The following RMDN2 variants were observed in gnomAD, a reference collection of about 807,000 sequenced individuals.
The protein encoded by RMDN2 is regulator of microtubule dynamics 2.
RMDN2 carries 61 observed loss-of-function variants against 52.8 expected under a neutral mutation model. That is an observed-to-expected ratio of 1.16 (90% CI 0.94 to 1.43). RMDN2 has a LOEUF of 1.43. Ranked by LOEUF, RMDN2 falls within the 40% of genes most tolerant of loss-of-function variation. The pLI is 0.00. For synonymous variants in RMDN2, 180 were observed against 153.1 expected (o/e 1.18, Z -1.30); for missense variants, 592 against 475.3 (o/e 1.25, Z -2.28).
downstream of RMDN2, among the ~76,000 whole-genome samples, chr2:38,019,800 C>T (rs1679201852): frequency 6.6e-6 from 1 of 151,984 alleles, no homozygotes. Flanking sequence ...TGGTGCATGC[C>T]TGTAGTTACA....
At chr2:37,981,226 A>G in intron 4 of RMDN2, 57 bp from the exon 5 acceptor site, 1 of 1,045,340 alleles carries the variant, frequency 9.6e-7, no homozygotes, top group South Asian at 1.3e-5. Flanking sequence ...TAATTCAATA[A>G]TCCACCTCCT....
intron 2 of RMDN2, among the ~76,000 whole-genome samples, chr2:37,966,641 C>T (rs1224961493): frequency 6.6e-6 from 1 of 151,792 alleles, no homozygotes; most frequent in Non-Finnish European, 1.5e-5. Flanking sequence ...CCAATATTTT[C>T]AAATGACCTG....
chr2:37,929,953 A>G lies in RMDN2; in HGVS notation c.452+224A>G, dbSNP rs1216656647. Among the ~76,000 whole-genome samples, 4 of 152,374 alleles carry G rather than the reference A, an allele frequency of 2.6e-5. No individual in the cohort carries two copies. The South Asian group carries it at 8.3e-4, about 32-fold the overall frequency. On this transcript the variant is annotated intron_variant, in intron 2 of 10. Coordinates refer to ENST00000354545, the MANE Select transcript of RMDN2 (RefSeq NM_001170791.3). Reference sequence around the variant, plus strand: ...GGAATATAAAAAACTTACTGGTAGCAGGTGGTATTATGTGAATATTGAGGA... The same window carrying G: ...GGAATATAAAAAACTTACTGGTAGCGGGTGGTATTATGTGAATATTGAGGA...
intron 2 of RMDN2, among the ~76,000 whole-genome samples, chr2:37,932,792 C>T (rs1666902429): frequency 2.3e-5 from 3 of 131,448 alleles, no homozygotes; most frequent in African/African-American, 8.4e-5. Flanking sequence ...ACCTCCCGGA[C>T]GGGGCGGCTG....
intron 2 of RMDN2, among the ~76,000 whole-genome samples, chr2:37,968,654 A>G (rs1671402798): frequency 6.6e-6 from 1 of 152,188 alleles, no homozygotes; most frequent in African/African-American, 2.4e-5. Flanking sequence ...TTGATCATGC[A>G]GAGTTGAAGG....
intron 10 of RMDN2, chr2:38,030,505 A>G (rs903243684): frequency 1.3e-5 from 2 of 152,198 alleles, no homozygotes; most frequent in African/African-American, 4.8e-5. Context: ...GTAAAAGATG[A>G]CTGATGATGT....
chr2:38,052,359 T>G (rs1380676289), intron 10 of RMDN2, among the ~76,000 whole-genome samples: 1 of 152,224 alleles, frequency 6.6e-6, no homozygotes. Context: ...TTGCCCACTT[T>G]TTAGTGGGAT....
intron 7 of RMDN2, among the ~76,000 whole-genome samples, chr2:37,994,928 T>C (rs550325464): frequency 6.6e-5 from 10 of 152,300 alleles, no homozygotes; most frequent in South Asian, 6.2e-4. Flanking sequence ...ATTGCATTGA[T>C]ATGAAACTCT....
At chr2:37,997,646 T>G in intron 8 of RMDN2, 132 bp downstream of exon 8, 2 of 652,538 alleles carry the variant, frequency 3.1e-6, no homozygotes, top group Non-Finnish European at 5.4e-6. Flanking sequence ...ATGTTCTGTT[T>G]TAAGCCCCTC....
At chr2:37,991,325 T>C in intron 7 of RMDN2, 28 bp downstream of exon 7, 2 of 1,140,216 alleles carry the variant, frequency 1.8e-6, no homozygotes. Flanking sequence ...ATTTATAAAC[T>C]TTATTTGAAT....
intron 10 of RMDN2, chr2:38,027,395 T>C (rs1045913055): frequency 6.6e-6 from 1 of 152,210 alleles, no homozygotes; most frequent in African/African-American, 2.4e-5. Flanking sequence ...AAGCCAGAAG[T>C]TGTAACTTTT....
At chr2:38,054,906 G>A (rs1030962525) in intron 10 of RMDN2, among the ~76,000 whole-genome samples, 1 of 152,048 alleles carries the variant, frequency 6.6e-6, no homozygotes, top group African/African-American at 2.4e-5. Context: ...AAAAGGACGG[G>A]GGGACAAAGG....
chr2:37,934,718 G>A (rs954186002), intron 2 of RMDN2, among the ~76,000 whole-genome samples: 1 of 151,794 alleles, frequency 6.6e-6, no homozygotes, highest in African/African-American at 2.4e-5. Context: ...TTGAGGACAC[G>A]GTAAAAAATA....
At chr2:37,991,163 T>C in intron 6 of RMDN2, 57 bp from the exon 7 acceptor site, 1 of 967,342 alleles carries the variant, frequency 1.0e-6, no homozygotes, top group Non-Finnish European at 1.6e-6. Flanking sequence ...TTGGTGTAGT[T>C]CCAGTCAACA....
chr2:37,933,641 G>A (rs1029822072), intron 2 of RMDN2, among the ~76,000 whole-genome samples: 13 of 152,254 alleles, frequency 8.5e-5, no homozygotes, highest in African/African-American at 1.9e-4. Context: ...GCGTGGCGGC[G>A]TGCGCCTGCA....
chr2:37,941,411 G>C (rs1667776328), intron 2 of RMDN2, among the ~76,000 whole-genome samples: 1 of 152,250 alleles, frequency 6.6e-6, no homozygotes, highest in Admixed American at 6.5e-5. Context: ...CCTTAGCAGA[G>C]TTTGAGCACT....
rs542998393 is a variant in RMDN2, at chr2:37,930,830, T to A, written c.452+1101T>A. ...GGAAAGGGAGGAGGTGCTAGCAGAG[T>A]GAGGGTTAAGGCTGGTGCCCAGCCT... is the stretch of plus-strand genomic sequence containing the variant. On this transcript the variant is annotated intron_variant, in intron 2 of 10. Coordinates refer to ENST00000354545, the MANE Select transcript of RMDN2 (RefSeq NM_001170791.3). Among the ~76,000 whole-genome samples, 27 of 151,890 alleles carry A rather than the reference T, an allele frequency of 1.8e-4. No homozygotes were observed. The South Asian group carries it at 2.3e-3, about 13-fold the overall frequency.
chr2:37,921,383 A>C (rs776499019), upstream of RMDN2, among the ~76,000 whole-genome samples: 2 of 152,178 alleles, frequency 1.3e-5, no homozygotes, highest in Non-Finnish European at 2.9e-5. Context: ...ATTTTTTTAA[A>C]ACTACATCAG....
At chr2:37,976,015 G>A (rs1490863374) in intron 4 of RMDN2, among the ~76,000 whole-genome samples, 1 of 152,196 alleles carries the variant, frequency 6.6e-6, no homozygotes, top group African/African-American at 2.4e-5. Flanking sequence ...CACAGTTAAA[G>A]TAACACATCT....
Sources: allele counts gnomAD v4.1 joint callset (sites outside exome capture counted in the v4.1 genomes callset), GRCh38; gene constraint gnomAD v4.1.1; transcripts MANE v1.5; gene names NCBI Gene and HGNC (gene_info 2026-07-23, HGNC 2026-07-21).